PDE12: variants seen among roughly 807,000 people sequenced by gnomAD.
The protein encoded by PDE12 is 2',5'-phosphodiesterase 12.
Under a neutral mutation model 45.4 loss-of-function variants are expected in PDE12, and 26 were observed. That is an observed-to-expected ratio of 0.57 (90% CI 0.42 to 0.79). The LOEUF is 0.79. Among genes scored for constraint, PDE12 ranks in the 30% least tolerant of loss-of-function variants. PDE12 has a pLI of 0.00. For synonymous variants in PDE12, 283 were observed against 323.9 expected, an observed-to-expected ratio of 0.87 and a Z score of 1.36; for missense variants, 668 against 790.0, an observed-to-expected ratio of 0.85 and a Z score of 1.85.
the PDE12 span, among the ~76,000 whole-genome samples, chr3:57,623,628 G>A: frequency 6.6e-6 from 1 of 152,208 alleles, no homozygotes; most frequent in Non-Finnish European, 1.5e-5. Context: ...GCAGTGAGCT[G>A]AGATGGCGCC....
the PDE12 span, among the ~76,000 whole-genome samples, chr3:57,577,905 A>C: frequency 0.01 from 1,574 of 152,010 alleles, 18 homozygotes; most frequent in African/African-American, 0.036. Flanking sequence ...AAATACAAAA[A>C]TTAGCCAGGT....
At chr3:57,584,763 C>CT in the PDE12 span, among the ~76,000 whole-genome samples, 1 of 151,872 alleles carries the variant, frequency 6.6e-6, no homozygotes, top group Non-Finnish European at 1.5e-5. Flanking sequence ...CTTTAGGACA[C>CT]TGAGACCAGA....
the PDE12 span, chr3:57,628,796 G>C: frequency 1.9e-6 from 3 of 1,606,402 alleles, no homozygotes; most frequent in Non-Finnish European, 2.5e-6. Flanking sequence ...ATCTTTGGCT[G>C]TTTTGGCTAC....
the PDE12 span, among the ~76,000 whole-genome samples, chr3:57,645,330 G>A: frequency 4.9e-3 from 752 of 152,006 alleles, 5 homozygotes; most frequent in African/African-American, 0.017. Context: ...GCGTGGTGGC[G>A]CATGCCTGTA....
the PDE12 span, among the ~76,000 whole-genome samples, chr3:57,598,776 C>T: frequency 6.6e-6 from 1 of 151,984 alleles, no homozygotes; most frequent in African/African-American, 2.4e-5. Flanking sequence ...GCGAGACTGT[C>T]TTAAAAAAAC....
At chr3:57,576,173 A>C in the PDE12 span, among the ~76,000 whole-genome samples, 2 of 152,224 alleles carry the variant, frequency 1.3e-5, no homozygotes, top group Non-Finnish European at 2.9e-5. Context: ...AGTTGTACTG[A>C]TGCATGATGC....
chr3:57,592,808 C>A, the PDE12 span, among the ~76,000 whole-genome samples: 7 of 152,024 alleles, frequency 4.6e-5, no homozygotes. Context: ...TATGTTCAAC[C>A]AATAACCTGA....
Position 57,562,215 on chromosome 3 carries a change from TC to T in PDE12, c.*2213del. On this transcript the variant is annotated 3_prime_UTR_variant, in exon 3 of 3. Transcript: ENST00000311180. ...ATGCCCATGAAAAAAGCATACAGCT[TC>T]CACATTAACACTGGCTAGATTAAAC... 3.4e-6 allele frequency: 2 copies of T among 589,268 alleles called. No individual in the cohort carries two copies. The highest frequency in any genetic ancestry group is 4.3e-6 in the Non-Finnish European group (2 of 468,258). The allele number at this position is 589,268 out of a possible 1,614,324, so 36.5% of individuals were successfully genotyped here. A position where few individuals can be genotyped will look rare whatever the true frequency, so the allele number is the denominator to read the frequency against.
chr3:57,625,484 T>G, the PDE12 span: 1 of 152,602 alleles, frequency 6.6e-6, no homozygotes, highest in Non-Finnish European at 1.5e-5. Context: ...TTAATTTAGT[T>G]TTTGGTAATG....
chr3:57,600,893 C>T, the PDE12 span: 1 of 151,962 alleles, frequency 6.6e-6, no homozygotes, highest in Admixed American at 6.6e-5. Context: ...AAATATTTTT[C>T]TATTCACCTT....
chr3:57,577,557 GTTTAA>G, the PDE12 span, among the ~76,000 whole-genome samples: 4 of 152,140 alleles, frequency 2.6e-5, no homozygotes, highest in African/African-American at 7.2e-5. Context: ...CTATTTGTAA[GTTTAA>G]TTTATTAGTG....
At chr3:57,629,801 C>T in the PDE12 span, among the ~76,000 whole-genome samples, 25 of 151,952 alleles carry the variant, frequency 1.6e-4, no homozygotes, top group African/African-American at 5.3e-4. Flanking sequence ...GGATTACAGG[C>T]GTGAGCCACT....
the PDE12 span, among the ~76,000 whole-genome samples, chr3:57,588,635 C>T: frequency 0.049 from 7,234 of 147,282 alleles, 241 homozygotes; most frequent in Non-Finnish European, 0.077. Context: ...GGGTGGATCA[C>T]CTGAAGTCAG....
chr3:57,584,903 G>A, the PDE12 span, among the ~76,000 whole-genome samples: 1 of 152,118 alleles, frequency 6.6e-6, no homozygotes, highest in Non-Finnish European at 1.5e-5. Context: ...TCGCTCTGTT[G>A]TCCAGGCGGG....
chr3:57,601,544 A>C, the PDE12 span, among the ~76,000 whole-genome samples: 1 of 152,144 alleles, frequency 6.6e-6, no homozygotes, highest in Non-Finnish European at 1.5e-5. Context: ...AGATTCAGCC[A>C]ATAGCAGATG....
the PDE12 span, among the ~76,000 whole-genome samples, chr3:57,633,998 TATC>T: frequency 3.3e-5 from 5 of 152,146 alleles, no homozygotes; most frequent in African/African-American, 9.7e-5. Context: ...TGTTAGATGC[TATC>T]ATGGTAGAAT....
chr3:57,626,583 CCT>C, the PDE12 span: 1 of 152,244 alleles, frequency 6.6e-6, no homozygotes, highest in Non-Finnish European at 1.5e-5. Context: ...GTGGCACATA[CCT>C]GTAATCCCAG....
In PDE12 at chr3:57,564,853, CAAAAA is replaced by C. The variant is rs35230512; in HGVS notation, c.*4862_*4866del. ...GGCTAATTTTTGTATATTTTATAGG[CAAAAA>C]AAAAAAAAAAAATGGTTTCACCATG... On this transcript the variant is annotated 3_prime_UTR_variant, in exon 3 of 3. Transcript: ENST00000311180. 1.8e-5 allele frequency: 2 copies of C among 112,498 alleles called. No homozygotes were observed. Among genetic ancestry groups the C allele is most frequent in the Non-Finnish European group, 1.8e-5 (1 of 54,980 alleles). 7.0% of individuals were successfully genotyped at this position (112,498 alleles called of 1,614,324 possible).
chr3:57,556,724 G>C lies in PDE12; in HGVS notation c.345G>C (p.Pro115=), dbSNP rs2069665332. ...CCTGTTCAGGGCCGGGGCCTGAGCC[G>C]GCTGTGTTCTGCGAGCCCGTGGTGA... ...GAACSGPGPE[P]AVFCEPVVKL... Residue 115 remains proline (P), a synonymous_variant, in exon 1 of 3, where the codon CCG becomes CCC. Transcript: ENST00000311180. The surrounding 1 kb of genome is among the most constrained non-coding windows in gnomAD (Gnocchi z 5.0). The C allele has an allele frequency of 1.3e-6, 2 of 1,595,648 alleles. No homozygotes were observed. Among genetic ancestry groups the C allele is most frequent in the African/African-American group, 1.3e-5 (1 of 74,830 alleles).
Sources: gnomAD v4.1 joint callset for allele counts (sites outside exome capture counted in the v4.1 genomes callset) on GRCh38, gnomAD v4.1.1 for gene constraint, Gnocchi (gnomAD v3.1) non-coding constraint, MANE v1.5 for transcripts, NCBI Gene and HGNC (gene_info 2026-07-23, HGNC 2026-07-21) for gene names.